Variants in TMEM181 observed in about 807,000 individuals in gnomAD.
TMEM181 encodes G protein-coupled receptor 178.
A neutral mutation model predicts 71.9 loss-of-function variants in TMEM181; 39 were observed. That is an observed-to-expected ratio of 0.54 (90% CI 0.42 to 0.71). TMEM181 has a LOEUF of 0.71. Among genes scored for constraint, TMEM181 ranks in the 30% least tolerant of loss-of-function variants. The pLI is 0.00. For missense variants in TMEM181, 595 were observed against 583.0 expected, an observed-to-expected ratio of 1.02 and a Z score of -0.21; for synonymous variants, 245 against 228.8, an observed-to-expected ratio of 1.07 and a Z score of -0.64.
intron 1 of TMEM181, among the ~76,000 whole-genome samples, chr6:158,566,820 G>A (rs1782535159): frequency 1.3e-5 from 2 of 152,148 alleles, no homozygotes; most frequent in South Asian, 4.1e-4. Context: ...TGTCTCATTT[G>A]GATTAGACAC....
chr6:158,538,770 C>T (rs896471634), intron 1 of TMEM181, among the ~76,000 whole-genome samples: 1 of 152,230 alleles, frequency 6.6e-6, no homozygotes, highest in Non-Finnish European at 1.5e-5. Flanking sequence ...AGGTGAGGCT[C>T]ATCTTGAAAG....
chr6:158,587,818 G>A (rs551725230), intron 5 of TMEM181, among the ~76,000 whole-genome samples: 1 of 152,128 alleles, frequency 6.6e-6, no homozygotes, highest in South Asian at 2.1e-4. Flanking sequence ...TTTTAAACTC[G>A]TAAGTATATG....
intron 1 of TMEM181, among the ~76,000 whole-genome samples, chr6:158,563,399 C>T (rs998688403): frequency 3.9e-5 from 6 of 152,176 alleles, no homozygotes; most frequent in Non-Finnish European, 7.4e-5. Context: ...CTGCCTCAGC[C>T]TCCCAAAGTG....
intron 5 of TMEM181, among the ~76,000 whole-genome samples, chr6:158,586,894 T>A (rs1003625430): frequency 6.6e-6 from 1 of 152,172 alleles, no homozygotes; most frequent in African/African-American, 2.4e-5. Flanking sequence ...GCCTGAGGCA[T>A]CCCTGCGTCC....
intron 15 of TMEM181, among the ~76,000 whole-genome samples, chr6:158,631,057 G>T (rs1399076032): frequency 6.6e-6 from 1 of 152,244 alleles, no homozygotes; most frequent in Non-Finnish European, 1.5e-5. Flanking sequence ...GGCAGCTCGT[G>T]CGTGGGCAAT....
At chr6:158,608,235 CTCTCTGCTAGGTGCTGACCCCGCAG>C in intron 8 of TMEM181, 73 bp from the exon 9 acceptor site, 7 of 788,580 alleles carry the variant, frequency 8.9e-6, no homozygotes, top group Non-Finnish European at 1.2e-5. Flanking sequence ...GTATGGGGTG[CTCTCTGCTAGGTGCTGACCCCGCAG>C]AGGTATGGGG....
intron 1 of TMEM181, among the ~76,000 whole-genome samples, chr6:158,572,944 G>A (rs926762005): frequency 6.6e-6 from 1 of 152,038 alleles, no homozygotes; most frequent in Admixed American, 6.6e-5. Flanking sequence ...GGCAGAGGGA[G>A]GAGTGTGGTG....
At chr6:158,611,984 C>CG in intron 10 of TMEM181, among the ~76,000 whole-genome samples, 1 of 151,666 alleles carries the variant, frequency 6.6e-6, no homozygotes, top group African/African-American at 2.4e-5. Context: ...ATACCCCCCC[C>CG]ACCTCCTAGT....
intron 3 of TMEM181, among the ~76,000 whole-genome samples, chr6:158,581,671 T>G (rs2128299396): frequency 1.4e-5 from 2 of 139,632 alleles, no homozygotes; most frequent in South Asian, 4.4e-4. Context: ...AGGAGAATGG[T>G]GTGAACCCGG....
At chr6:158,597,072 A>G (rs757453269) in intron 6 of TMEM181, among the ~76,000 whole-genome samples, 1 of 152,192 alleles carries the variant, frequency 6.6e-6, no homozygotes, top group Non-Finnish European at 1.5e-5. Flanking sequence ...GCAGATGTCT[A>G]GATGGTCGAT....
At chr6:158,630,100 A>G (rs1210050200) in intron 15 of TMEM181, among the ~76,000 whole-genome samples, 1 of 152,226 alleles carries the variant, frequency 6.6e-6, no homozygotes, top group Admixed American at 6.5e-5. Context: ...TTGACTTTAC[A>G]ATGATGCAAA....
intron 14 of TMEM181, among the ~76,000 whole-genome samples, chr6:158,628,691 C>T (rs1038349097): frequency 1.3e-5 from 2 of 152,214 alleles, no homozygotes; most frequent in Non-Finnish European, 1.5e-5. Context: ...CCTCTGTACA[C>T]AGGAAGCTTG....
At chr6:158,629,559 T>G (rs1486482669) in intron 14 of TMEM181, among the ~76,000 whole-genome samples, 171 bp from the exon 15 acceptor site, 2 of 151,032 alleles carry the variant, frequency 1.3e-5, no homozygotes, top group African/African-American at 4.9e-5. Flanking sequence ...TTGTGACCCC[T>G]GGCTGTGGGC....
rs990393476 is a variant in TMEM181, at chr6:158,580,965, G to A, written c.138G>A (p.Ala46=). 1.1e-5 allele frequency: 18 copies of A among 1,608,710 alleles called. No homozygotes were observed. Among genetic ancestry groups the A allele is most frequent in the East Asian group, 4.5e-5 (2 of 44,806 alleles). The change falls in exon 3 of 17, where the codon GCG becomes GCA. Residue 46 remains alanine (A), a synonymous_variant. Coordinates refer to ENST00000684151, the MANE Select transcript of TMEM181 (RefSeq NM_001376852.1). ...IRGPKVIQTS[A]ANFSLNNSKK... ...GACCTAAAGTGATCCAGACTTCTGC[G>A]GCTAATTTTTCACTAAATAATAGCA...
At chr6:158,591,883 C>T (rs910691012) in intron 6 of TMEM181, among the ~76,000 whole-genome samples, 1 of 151,990 alleles carries the variant, frequency 6.6e-6, no homozygotes. Context: ...TAAAGTTGTT[C>T]CTGAAGAATT....
chr6:158,555,572 G>T (rs1313192219), upstream of TMEM181, among the ~76,000 whole-genome samples: 1 of 152,184 alleles, frequency 6.6e-6, no homozygotes, highest in Non-Finnish European at 1.5e-5. Flanking sequence ...AGTTTCAGAG[G>T]TGTTTTTAGA....
chr6:158,586,969 G>A (rs1296333191), intron 5 of TMEM181, among the ~76,000 whole-genome samples: 1 of 152,172 alleles, frequency 6.6e-6, no homozygotes, highest in Non-Finnish European at 1.5e-5. Context: ...AGGTGTGAGT[G>A]TCAGACAGGA....
intron 6 of TMEM181, among the ~76,000 whole-genome samples, chr6:158,600,886 C>T (rs1052286301): frequency 2.6e-5 from 4 of 152,114 alleles, no homozygotes; most frequent in Admixed American, 6.5e-5. Context: ...TTAAGAGTTA[C>T]GGTTCCTTGA....
chr6:158,625,284 C>G (rs1786211906), intron 12 of TMEM181, 78 bp downstream of exon 12: 1 of 1,286,738 alleles, frequency 7.8e-7, no homozygotes, highest in Admixed American at 1.7e-5. Flanking sequence ...TGGAGTCTCC[C>G]AAGCCAGGGG....
Sources: gnomAD v4.1 joint callset for allele counts (sites outside exome capture counted in the v4.1 genomes callset) on GRCh38, gnomAD v4.1.1 for gene constraint, MANE v1.5 for transcripts, NCBI Gene and HGNC (gene_info 2026-07-23, HGNC 2026-07-21) for gene names.